Variants in CSMD1 observed in about 807,000 individuals in gnomAD.
The protein encoded by CSMD1 is CUB and sushi domain-containing protein 1.
A neutral mutation model predicts 417.5 loss-of-function variants in CSMD1; 213 were observed. That is an observed-to-expected ratio of 0.51 (90% CI 0.46 to 0.57). CSMD1 has a LOEUF of 0.57. CSMD1 is among the 20% of genes least tolerant of loss of function. CSMD1 has a pLI of 0.00. For missense variants in CSMD1, 6,923 were observed against 4,529.7 expected (o/e 1.53, Z -15.17); for synonymous variants, 2,862 against 1,736.8 (o/e 1.65, Z -16.11).
intron 2 of CSMD1, among the ~76,000 whole-genome samples, chr8:4,527,339 C>A (rs13273099): frequency 0.35 from 52,995 of 151,870 alleles, 10,518 homozygotes; most frequent in Non-Finnish European, 0.45. Context: ...GCCCTTTACC[C>A]AAAAAACAAT....
At chr8:4,496,615 G>C (rs1478615843) in intron 2 of CSMD1, among the ~76,000 whole-genome samples, 1 of 151,950 alleles carries the variant, frequency 6.6e-6, no homozygotes, top group Non-Finnish European at 1.5e-5. Flanking sequence ...GTTATTCCTG[G>C]TTTGTTCCTC....
At chr8:4,740,337 A>G (rs1399382410) in intron 1 of CSMD1, among the ~76,000 whole-genome samples, 1 of 152,184 alleles carries the variant, frequency 6.6e-6, no homozygotes, top group African/African-American at 2.4e-5. Flanking sequence ...TAGCTAACAG[A>G]AAAAGCCATT....
At chr8:4,269,190 G>C (rs982925285) in intron 3 of CSMD1, among the ~76,000 whole-genome samples, 4 of 152,060 alleles carry the variant, frequency 2.6e-5, no homozygotes, top group African/African-American at 7.2e-5. Context: ...CCTAGTAGCT[G>C]GGACTACAGA....
chr8:4,429,406 G>T (rs547472404), intron 2 of CSMD1, among the ~76,000 whole-genome samples: 3 of 152,058 alleles, frequency 2.0e-5, no homozygotes, highest in Non-Finnish European at 4.4e-5. Flanking sequence ...ATCGGACAAA[G>T]AAAAAGCATC....
chr8:3,409,499 G>T lies in CSMD1; in HGVS notation c.1668C>A (p.Ala556=), dbSNP rs531704766. The stretch of plus-strand genomic sequence containing the variant: ...TAACTCTCTCCCCCACCAGCTCAAA[G>T]GCCGCCGGGCATTCAAAGGTGAGTG... ...GDTLTFECPA[A]FELVGERVIT... The change falls in exon 13 of 70, where the codon GCC becomes GCA. Residue 556 remains alanine, a synonymous_variant. Transcript: ENST00000635120. 1.2e-6 allele frequency: 2 copies of T among 1,611,062 alleles called. No homozygotes were observed. The highest frequency in any genetic ancestry group is 2.7e-5 in the African/African-American group (2 of 74,834).
At chr8:3,384,123 C>G (rs918668118) in intron 18 of CSMD1, among the ~76,000 whole-genome samples, 1 of 152,092 alleles carries the variant, frequency 6.6e-6, no homozygotes, top group Non-Finnish European at 1.5e-5. Flanking sequence ...TGGTCTTGAG[C>G]TGACAGGGAC....
chr8:4,195,974 C>T (rs994231795), intron 3 of CSMD1, among the ~76,000 whole-genome samples: 11 of 151,750 alleles, frequency 7.2e-5, no homozygotes, highest in East Asian at 2.0e-4. Context: ...CACTTTGGGG[C>T]ACCGAGGTGA....
intron 1 of CSMD1, among the ~76,000 whole-genome samples, chr8:4,838,286 G>A (rs550087787): frequency 2.6e-5 from 4 of 152,276 alleles, no homozygotes; most frequent in South Asian, 2.1e-4. Context: ...GTCAGGAGAC[G>A]TCAGTCACTG....
At chr8:3,759,182 C>G (rs896602339) in intron 5 of CSMD1, among the ~76,000 whole-genome samples, 5 of 152,160 alleles carry the variant, frequency 3.3e-5, no homozygotes, top group African/African-American at 1.2e-4. Context: ...GAAAGCAAAT[C>G]TCTTGTTGAG....
chr8:3,719,949 T>C (rs1349256722), intron 6 of CSMD1, among the ~76,000 whole-genome samples: 1 of 152,182 alleles, frequency 6.6e-6, no homozygotes, highest in African/African-American at 2.4e-5. Context: ...GTGTGTTTAA[T>C]AAAGATGATC....
intron 1 of CSMD1, among the ~76,000 whole-genome samples, chr8:4,804,754 A>T (rs531643511): frequency 1.3e-5 from 2 of 152,324 alleles, no homozygotes; most frequent in Admixed American, 1.3e-4. Context: ...CTTCAAGAAA[A>T]GTATCTTAGT....
intron 3 of CSMD1, among the ~76,000 whole-genome samples, chr8:4,155,315 C>CACCTGCATGACTCCCGCACTCACCT (rs1563197262): frequency 1.3e-5 from 2 of 152,136 alleles, no homozygotes; most frequent in Non-Finnish European, 1.5e-5. Context: ...GTTTGGGTCT[C>CACCTGCATGACTCCCGCACTCACCT]GCATTAGAGT....
chr8:4,727,954 GTATATATATACAAAATATA>G (rs1563232956), intron 1 of CSMD1, among the ~76,000 whole-genome samples: 11 of 67,324 alleles, frequency 1.6e-4, no homozygotes, highest in African/African-American at 7.8e-4. Flanking sequence ...ATATATATAT[GTATATATATACAAAATATA>G]TATGTATATA....
intron 5 of CSMD1, among the ~76,000 whole-genome samples, chr8:3,872,528 C>T (rs757340369): frequency 3.7e-4 from 57 of 152,182 alleles, no homozygotes; most frequent in Middle Eastern, 3.2e-3. Context: ...TCTGCCAGGT[C>T]ACTGAAAGGC....
At chr8:3,089,448 A>T (rs1253913592) in intron 48 of CSMD1, among the ~76,000 whole-genome samples, 1 of 152,208 alleles carries the variant, frequency 6.6e-6, no homozygotes, top group African/African-American at 2.4e-5. Context: ...GTCGTTTTTA[A>T]CTCGGATTTC....
chr8:3,964,977 G>T (rs778518695), intron 5 of CSMD1, among the ~76,000 whole-genome samples: 3 of 152,126 alleles, frequency 2.0e-5, no homozygotes, highest in Non-Finnish European at 2.9e-5. Flanking sequence ...GAGAGTCACA[G>T]CAAACTCTCT....
chr8:4,563,080 A>C (rs1452197160), intron 2 of CSMD1, among the ~76,000 whole-genome samples: 1 of 152,086 alleles, frequency 6.6e-6, no homozygotes, highest in Non-Finnish European at 1.5e-5. Flanking sequence ...TTCTCATATG[A>C]ATCTGGGTTT....
At chr8:4,486,230 CATATATATATATATACAT>C (rs1801402969) in intron 2 of CSMD1, among the ~76,000 whole-genome samples, 1 of 16,462 alleles carries the variant, frequency 6.1e-5, no homozygotes, top group Non-Finnish European at 1.3e-4. Flanking sequence ...TATATACATA[CATATATATATATATACAT>C]ACATATATAT....
At chr8:4,931,474 A>C (rs1165428788) in intron 1 of CSMD1, among the ~76,000 whole-genome samples, 2 of 152,206 alleles carry the variant, frequency 1.3e-5, no homozygotes, top group Admixed American at 6.5e-5. Flanking sequence ...CGTCTGTCCC[A>C]GCAATCATGG....
Sources: allele counts gnomAD v4.1 joint callset (sites outside exome capture counted in the v4.1 genomes callset), GRCh38; gene constraint gnomAD v4.1.1; transcripts MANE v1.5; gene names NCBI Gene and HGNC (gene_info 2026-07-23, HGNC 2026-07-21).